Variants in HEMK2 observed in about 807,000 individuals in gnomAD.
The protein encoded by HEMK2 is HemK methyltransferase 2, ETF1 glutamine and histone H4 lysine.
the HEMK2 span, among the ~76,000 whole-genome samples, chr21:28,817,125 C>A: frequency 6.6e-6 from 1 of 152,158 alleles, no homozygotes; most frequent in African/African-American, 2.4e-5. Context: ...AGATTACTGT[C>A]TGTAATCACA....
chr21:28,832,079 T>A, the HEMK2 span, among the ~76,000 whole-genome samples: 1 of 152,238 alleles, frequency 6.6e-6, no homozygotes, highest in East Asian at 1.9e-4. Flanking sequence ...TTACTGTACA[T>A]AAAGCTTTTG....
At chr21:28,772,983 A>C in the HEMK2 span, among the ~76,000 whole-genome samples, 1 of 152,204 alleles carries the variant, frequency 6.6e-6, no homozygotes, top group African/African-American at 2.4e-5. Flanking sequence ...ACATGTAATC[A>C]TATGAGTTTT....
chr21:28,793,468 C>A, the HEMK2 span, among the ~76,000 whole-genome samples: 1 of 43,076 alleles, frequency 2.3e-5, no homozygotes, highest in Non-Finnish European at 3.6e-5. Context: ...CTTCACTTCA[C>A]GATTCTGTCA....
At chr21:28,833,988 AG>A in the HEMK2 span, among the ~76,000 whole-genome samples, 1 of 152,204 alleles carries the variant, frequency 6.6e-6, no homozygotes, top group Non-Finnish European at 1.5e-5. Flanking sequence ...AAGAACTAAG[AG>A]TATTTTTCTC....
At chr21:28,736,825 C>T in the HEMK2 span, among the ~76,000 whole-genome samples, 2 of 150,054 alleles carry the variant, frequency 1.3e-5, no homozygotes, top group East Asian at 1.9e-4. Flanking sequence ...CAGGCAGGTG[C>T]GAAAGAAATA....
chr21:28,643,449 G>C, the HEMK2 span, among the ~76,000 whole-genome samples: 1 of 143,590 alleles, frequency 7.0e-6, no homozygotes, highest in Non-Finnish European at 1.5e-5. Context: ...AGACTGAGGG[G>C]GGAGGATTGT....
chr21:28,801,542 T>C, the HEMK2 span, among the ~76,000 whole-genome samples: 1 of 151,854 alleles, frequency 6.6e-6, no homozygotes, highest in African/African-American at 2.4e-5. Context: ...GACAGAAACA[T>C]TAAAAGCCAA....
At chr21:28,850,326 G>A in the HEMK2 span, among the ~76,000 whole-genome samples, 116 of 142,070 alleles carry the variant, frequency 8.2e-4, no homozygotes, top group African/African-American at 2.9e-3. Context: ...CCAGGCTCAC[G>A]CCATTCTCCT....
At chr21:28,732,453 G>C in the HEMK2 span, among the ~76,000 whole-genome samples, 2 of 152,234 alleles carry the variant, frequency 1.3e-5, no homozygotes, top group Non-Finnish European at 2.9e-5. Flanking sequence ...GATGTCCCAG[G>C]TCACATAGCA....
the HEMK2 span, among the ~76,000 whole-genome samples, chr21:28,809,451 T>C: frequency 1.3e-5 from 2 of 152,124 alleles, no homozygotes; most frequent in African/African-American, 2.4e-5. Context: ...CAAAGAAAGG[T>C]TGAGCTCTGA....
the HEMK2 span, among the ~76,000 whole-genome samples, chr21:28,644,991 C>G: frequency 5.9e-5 from 9 of 152,156 alleles, no homozygotes; most frequent in African/African-American, 2.2e-4. Flanking sequence ...AGGAATGGAA[C>G]TGAATGTGCA....
At chr21:28,587,474 G>T in the HEMK2 span, among the ~76,000 whole-genome samples, 121,360 of 152,118 alleles carry the variant, frequency 0.8, 49,581 homozygotes, top group Non-Finnish European at 0.9. Flanking sequence ...AAATTACTGT[G>T]ACAAATTTCT....
the HEMK2 span, among the ~76,000 whole-genome samples, chr21:28,727,540 A>T: frequency 6.6e-6 from 1 of 152,240 alleles, no homozygotes; most frequent in East Asian, 1.9e-4. Flanking sequence ...TGCTCAAAAT[A>T]ACAAAGGAGC....
the HEMK2 span, among the ~76,000 whole-genome samples, chr21:28,630,435 A>G: frequency 6.6e-6 from 1 of 152,156 alleles, no homozygotes; most frequent in African/African-American, 2.4e-5. Context: ...CTGGGTATAT[A>G]CCCAAAGGAT....
the HEMK2 span, among the ~76,000 whole-genome samples, chr21:28,772,522 T>C: frequency 6.6e-6 from 1 of 152,200 alleles, no homozygotes; most frequent in South Asian, 2.1e-4. Context: ...ATTTATACCT[T>C]AGAATGCTCT....
At chr21:28,631,379 G>A in the HEMK2 span, among the ~76,000 whole-genome samples, 7 of 152,136 alleles carry the variant, frequency 4.6e-5, no homozygotes, top group African/African-American at 1.7e-4. Flanking sequence ...AATGTTGCTT[G>A]GTCAACCAGG....
At chr21:28,669,519 T>C in the HEMK2 span, among the ~76,000 whole-genome samples, 2,117 of 152,280 alleles carry the variant, frequency 0.014, 28 homozygotes, top group Non-Finnish European at 0.022. Context: ...CAGTGAGATG[T>C]GGGCGAAGTA....
chr21:28,611,739 C>A, the HEMK2 span, among the ~76,000 whole-genome samples: 1 of 151,928 alleles, frequency 6.6e-6, no homozygotes, highest in African/African-American at 2.4e-5. Flanking sequence ...AAAACCTCAT[C>A]TCTGCTAAAA....
At chr21:28,736,616 T>A in the HEMK2 span, among the ~76,000 whole-genome samples, 1,662 of 152,020 alleles carry the variant, frequency 0.011, 24 homozygotes, top group African/African-American at 0.038. Context: ...AATAGAAAAA[T>A]TAGCTGGGCA....
Sources: allele counts gnomAD v4.1 joint callset (sites outside exome capture counted in the v4.1 genomes callset), GRCh38; gene constraint gnomAD v4.1.1; transcripts MANE v1.5; gene names NCBI Gene and HGNC (gene_info 2026-07-23, HGNC 2026-07-21).